ZCWPW2: variants seen among roughly 807,000 people sequenced by gnomAD.
The protein encoded by ZCWPW2 is zinc finger CW-type PWWP domain protein 2.
In ZCWPW2, 45 loss-of-function variants were observed where a neutral mutation model predicts 46.6. That is an observed-to-expected ratio of 0.96 (90% CI 0.76 to 1.24). The LOEUF (loss-of-function observed/expected upper bound fraction) is 1.24, where lower values mean the gene tolerates loss of function less well. Ranked by LOEUF, ZCWPW2 falls within the 50% of genes most tolerant of loss-of-function variation. The pLI is 0.00. For missense variants in ZCWPW2, 429 were observed against 403.9 expected, an observed-to-expected ratio of 1.06 and a Z score of -0.53; for synonymous variants, 152 against 137.1, an observed-to-expected ratio of 1.11 and a Z score of -0.76.
At chr3:28,463,971 G>A (rs918706369) in intron 4 of ZCWPW2, among the ~76,000 whole-genome samples, 3 of 151,286 alleles carry the variant, frequency 2.0e-5, no homozygotes, top group Non-Finnish European at 4.4e-5. Context: ...GAAAAGAGAA[G>A]GAAAGGGAAT....
intron 3 of ZCWPW2, among the ~76,000 whole-genome samples, chr3:28,424,945 AT>A (rs1263386738): frequency 6.6e-6 from 1 of 152,112 alleles, no homozygotes; most frequent in Non-Finnish European, 1.5e-5. Flanking sequence ...GTCCCACATA[AT>A]TTTTCTTGTC....
At chr3:28,424,821 C>T (rs1696940915) in intron 3 of ZCWPW2, among the ~76,000 whole-genome samples, 1 of 152,032 alleles carries the variant, frequency 6.6e-6, no homozygotes, top group African/African-American at 2.4e-5. Flanking sequence ...TGTTAATTAG[C>T]TTCCATGTGA....
chr3:28,495,493 C>G (rs889188776), intron 6 of ZCWPW2, among the ~76,000 whole-genome samples: 5 of 152,072 alleles, frequency 3.3e-5, no homozygotes, highest in African/African-American at 9.7e-5. Flanking sequence ...AAAGGCAATA[C>G]TATTCTCAGG....
chr3:28,499,359 A>G (rs544443452), intron 6 of ZCWPW2, among the ~76,000 whole-genome samples: 1 of 152,280 alleles, frequency 6.6e-6, no homozygotes, highest in Non-Finnish European at 1.5e-5. Context: ...GTGAGATGGT[A>G]TCTCATTGTG....
At chr3:28,349,270 G>C (rs1348751641) in intron 1 of ZCWPW2, 67 bp downstream of exon 1, 2 of 927,046 alleles carry the variant, frequency 2.2e-6, no homozygotes, top group Non-Finnish European at 2.6e-6. Context: ...CCTCTGGTGC[G>C]TCTTTTTCAC....
chr3:28,491,907 A>C (rs1466241400), intron 5 of ZCWPW2, among the ~76,000 whole-genome samples: 1 of 152,194 alleles, frequency 6.6e-6, no homozygotes, highest in East Asian at 1.9e-4. Context: ...AGATCTGCCA[A>C]ATAAGTATAA....
intron 4 of ZCWPW2, among the ~76,000 whole-genome samples, chr3:28,443,348 C>T (rs1697846681): frequency 6.6e-6 from 1 of 152,128 alleles, no homozygotes; most frequent in African/African-American, 2.4e-5. Flanking sequence ...TGGGGTCCTT[C>T]CTCAAGGTGA....
chr3:28,386,666 T>A lies in ZCWPW2; in HGVS notation c.-133-3832T>A, dbSNP rs566081785. Among the ~76,000 whole-genome samples the A allele has an allele frequency of 2.8e-3, 421 of 152,312 alleles. 9 individuals are homozygous for A. The South Asian group carries it at 0.042, about 15-fold the overall frequency. On this transcript the variant is annotated intron_variant, in intron 1 of 9. Transcript: ENST00000383768. Reference sequence around the variant, plus strand: ...ATCTGTGATATTGTATTGATTCTTTTAAAAATAAATAGCCTTTTATATTTC... The same window carrying A: ...ATCTGTGATATTGTATTGATTCTTTAAAAAATAAATAGCCTTTTATATTTC...
intron 3 of ZCWPW2, among the ~76,000 whole-genome samples, chr3:28,425,946 C>T (rs1389589849): frequency 6.6e-6 from 1 of 151,970 alleles, no homozygotes; most frequent in Admixed American, 6.6e-5. Context: ...CCTGTCTCTA[C>T]TAAAATTTCA....
chr3:28,384,549 T>C (rs1695204117), intron 1 of ZCWPW2, among the ~76,000 whole-genome samples: 1 of 152,120 alleles, frequency 6.6e-6, no homozygotes, highest in East Asian at 1.9e-4. Context: ...TTTTAATTTT[T>C]CAGTGTACCT....
intron 8 of ZCWPW2, among the ~76,000 whole-genome samples, chr3:28,518,781 T>C (rs1700646675): frequency 1.3e-5 from 2 of 152,226 alleles, no homozygotes; most frequent in African/African-American, 2.4e-5. Flanking sequence ...TTAAATGTCA[T>C]TGTCAATTTC....
intron 7 of ZCWPW2, among the ~76,000 whole-genome samples, chr3:28,515,088 G>T (rs957704654): frequency 3.3e-5 from 5 of 152,098 alleles, no homozygotes; most frequent in African/African-American, 1.2e-4. Context: ...AGACCTTATG[G>T]TTAGAGAAAG....
chr3:28,350,631 T>C (rs1189960063), intron 1 of ZCWPW2, among the ~76,000 whole-genome samples: 2 of 152,052 alleles, frequency 1.3e-5, no homozygotes, highest in African/African-American at 2.4e-5. Context: ...CGTATAGTCA[T>C]TGGATTTAGC....
chr3:28,454,148 G>T (rs1287794758), intron 4 of ZCWPW2, among the ~76,000 whole-genome samples: 1 of 151,986 alleles, frequency 6.6e-6, no homozygotes, highest in Admixed American at 6.6e-5. Flanking sequence ...CCGGCCAATT[G>T]TGTATATTTA....
intron 6 of ZCWPW2, among the ~76,000 whole-genome samples, chr3:28,512,411 C>A (rs1390246908): frequency 1.3e-5 from 2 of 152,048 alleles, no homozygotes; most frequent in African/African-American, 2.4e-5. Flanking sequence ...TCTCAAATTC[C>A]TCACCTCTGA....
intron 3 of ZCWPW2, among the ~76,000 whole-genome samples, chr3:28,423,816 G>C (rs1264453638): frequency 2.0e-5 from 3 of 151,944 alleles, no homozygotes; most frequent in African/African-American, 7.3e-5. Context: ...AATGCTTCTT[G>C]CAAGTTTGAA....
chr3:28,467,736 A>G (rs1456387812), intron 4 of ZCWPW2, among the ~76,000 whole-genome samples: 1 of 152,204 alleles, frequency 6.6e-6, no homozygotes, highest in Non-Finnish European at 1.5e-5. Flanking sequence ...CCAACACTCT[A>G]TGAGTCTGCA....
At position 28,526,163 on chromosome 3, in the gene ZCWPW2, C is replaced by T. The variant is rs893964061; in HGVS notation, c.*1475C>T. On this transcript the variant is annotated 3_prime_UTR_variant, in exon 10 of 10. Transcript: ENST00000383768. ...TTTTTTGTGAAAGTGGTTTGTAAAT[C>T]AATTTGATCTTCTGTTTACTCTTTG... is the stretch of plus-strand genomic sequence containing the variant. 1.3e-5 allele frequency among the ~76,000 whole-genome samples: 2 copies of T among 152,088 alleles called. No homozygotes were observed. The highest frequency in any genetic ancestry group is 6.6e-5 in the Admixed American group (1 of 15,258).
chr3:28,436,595 T>G (rs528385032), intron 4 of ZCWPW2, among the ~76,000 whole-genome samples: 1 of 152,288 alleles, frequency 6.6e-6, no homozygotes, highest in East Asian at 1.9e-4. Flanking sequence ...CTTTGGCAAA[T>G]ATATAGTAAA....
Sources: allele counts gnomAD v4.1 joint callset (sites outside exome capture counted in the v4.1 genomes callset), GRCh38; gene constraint gnomAD v4.1.1; transcripts MANE v1.5; gene names NCBI Gene and HGNC (gene_info 2026-07-23, HGNC 2026-07-21).